Variants in DHX32 observed in about 807,000 individuals in gnomAD.
DHX32 encodes the protein putative pre-mRNA-splicing factor ATP-dependent RNA helicase DHX32.
Under a neutral mutation model 70.0 loss-of-function variants are expected in DHX32, and 51 were observed. The observed-to-expected ratio is 0.73, with a 90% CI of 0.58 to 0.92. DHX32 has a LOEUF of 0.92. Among genes scored for constraint, DHX32 ranks in the 40% least tolerant of loss-of-function variants. The pLI is 0.00. For synonymous variants in DHX32, 310 were observed against 315.3 expected, an observed-to-expected ratio of 0.98 and a Z score of 0.18; for missense variants, 762 against 891.8, an observed-to-expected ratio of 0.85 and a Z score of 1.85.
At chr10:125,852,183 C>G (rs1031596023) in intron 6 of DHX32, 110 bp downstream of exon 6, 3 of 1,349,764 alleles carry the variant, frequency 2.2e-6, no homozygotes, top group Non-Finnish European at 2.0e-6. Flanking sequence ...ACCAACGCCC[C>G]CTCCATGCTT....
rs772213357 is a variant in DHX32, at chr10:125,852,487, T to C, written c.1193-36A>G. 3.7e-6 allele frequency: 6 copies of C among 1,613,462 alleles called. No homozygotes were observed. The Admixed American group carries it at 1.0e-4, about 27-fold the overall frequency. On this transcript the variant is annotated intron_variant, in intron 5 of 10. Transcript: ENST00000284690. ...CCAAGAAAAATGGCTTTAATATTTC[T>C]GGGTTGCCTGCATACAAGAATTGAC... is the stretch of plus-strand genomic sequence containing the variant.
In DHX32 at chr10:125,880,563, T is replaced by C. The variant is rs770780700; in HGVS notation, c.262A>G (p.Lys88Glu). The change falls in exon 1 of 11, where the codon AAA becomes GAA. Residue 88 changes from lysine to glutamate, a missense_variant. Transcript: ENST00000284690. ...CTCACCTGAGCGCTCTTACCACATT[T>C]AGCATCTCCTGAAACAATCACGATT... ...NQIVIVSGDA[K>E]CGKSAQVPQW... The C allele has an allele frequency of 6.2e-7, 1 of 1,609,026 alleles. No homozygotes were observed.
At chr10:125,869,560 A>T (rs1265771872) in intron 1 of DHX32, 1 of 151,074 alleles carries the variant, frequency 6.6e-6, no homozygotes, top group African/African-American at 2.4e-5. Context: ...TGGGCGACAG[A>T]GTGAGACTCT....
At chr10:125,872,094 T>C (rs982227686) in intron 1 of DHX32, among the ~76,000 whole-genome samples, 1 of 152,120 alleles carries the variant, frequency 6.6e-6, no homozygotes, top group Non-Finnish European at 1.5e-5. Context: ...ATTCCCAACC[T>C]CAGGTGATCC....
upstream of DHX32, among the ~76,000 whole-genome samples, chr10:125,883,317 A>G (rs1944328565): frequency 6.6e-6 from 1 of 152,166 alleles, no homozygotes; most frequent in Non-Finnish European, 1.5e-5. Context: ...GGTAGAGTCT[A>G]TTTCCTCTCC....
At chr10:125,874,055 G>A (rs909954412) in intron 1 of DHX32, among the ~76,000 whole-genome samples, 3 of 152,066 alleles carry the variant, frequency 2.0e-5, no homozygotes, top group Non-Finnish European at 2.9e-5. Context: ...CTCTCTTTTA[G>A]GATCGTTCAT....
At chr10:125,875,828 G>C (rs1051260772) in intron 1 of DHX32, among the ~76,000 whole-genome samples, 4 of 152,190 alleles carry the variant, frequency 2.6e-5, no homozygotes, top group Non-Finnish European at 5.9e-5. Context: ...AACTTTTGTA[G>C]ATAGTTTATA....
chr10:125,838,370 A>G lies in DHX32; in HGVS notation c.1899T>C (p.Asp633=). 6.3e-7 allele frequency: 1 copy of G among 1,590,826 alleles called. No homozygotes were observed. The highest frequency in any genetic ancestry group is 1.9e-5 in the Admixed American group (1 of 53,054). Residue 633 remains aspartate (D), a synonymous_variant, in exon 10 of 11, where the codon GAT becomes GAC. Transcript: ENST00000284690. Reference sequence around the variant, plus strand: ...TCAGCATTAAGTAGTTACCTGATCCATCAACATCCCGAGCAATCTGAAAGG... The same window carrying G: ...TCAGCATTAAGTAGTTACCTGATCCGTCAACATCCCGAGCAATCTGAAAGG... ...GYFMQIARDV[D]GSGNYLMLTH... is the part of the protein sequence containing the mutation.
upstream of DHX32, among the ~76,000 whole-genome samples, chr10:125,884,337 A>G (rs1032072867): frequency 1.3e-5 from 2 of 152,236 alleles, no homozygotes; most frequent in Non-Finnish European, 2.9e-5. Context: ...TACCAGTCTA[A>G]AGAAAGAGAA....
In DHX32 at chr10:125,867,108, T is replaced by A. The variant is rs1395640237; in HGVS notation, c.358A>T (p.Lys120Ter). The A allele has an allele frequency of 1.2e-6, 2 of 1,614,206 alleles. No homozygotes were observed. Among genetic ancestry groups the A allele is most frequent in the South Asian group, 2.2e-5 (2 of 91,080 alleles). ...HGGVICTQVH[K>*]QTVVQLALRV... ...AGGGCGAGCTGGACCACAGTCTGCT[T>A]GTGGACCTGTGTGCATATCACGCCC... The change falls in exon 2 of 11, where the codon AAG becomes TAG. Residue 120 changes from lysine (K) to a stop codon, truncating the protein, a stop_gained. Transcript: ENST00000284690. LOFTEE classifies it high-confidence loss of function.
chr10:125,839,094 C>G lies in DHX32; in HGVS notation c.1788G>C (p.Lys596Asn). ...VIRAELLEII[K>N]RIELPYAEPA... is the part of the protein sequence containing the mutation. Reference sequence around the variant, plus strand: ...GTTCTGCATAGGGAAGCTCGATTCGCTTGATAATTTCTAAGAGTTCAGCTC... The same window carrying G: ...GTTCTGCATAGGGAAGCTCGATTCGGTTGATAATTTCTAAGAGTTCAGCTC... The change falls in exon 9 of 11, where the codon AAG (lysine) becomes AAC (asparagine). Residue 596 changes from lysine to asparagine, a missense_variant. Around this residue, in one of 3 missense-constraint regions of DHX32, gnomAD observed 366 missense variants for 402.6 expected, o/e 0.91. Transcript: ENST00000284690. 6.2e-7 allele frequency: 1 copy of G among 1,614,230 alleles called. No homozygotes were observed. The highest frequency in any genetic ancestry group is 8.5e-7 in the Non-Finnish European group (1 of 1,180,042).
intron 6 of DHX32, 59 bp downstream of exon 6, chr10:125,852,234 T>C: frequency 1.3e-6 from 2 of 1,587,062 alleles, no homozygotes; most frequent in Non-Finnish European, 1.7e-6. Flanking sequence ...GGACAGAGAA[T>C]GGGCAGGAGA....
At chr10:125,846,792 A>G (rs540721407) in intron 6 of DHX32, among the ~76,000 whole-genome samples, 2 of 152,282 alleles carry the variant, frequency 1.3e-5, no homozygotes, top group Middle Eastern at 3.4e-3. Flanking sequence ...AATAGAATCA[A>G]TGGCTCCCTT....
chr10:125,848,224 G>GT (rs1267540119), intron 6 of DHX32, among the ~76,000 whole-genome samples: 1 of 152,180 alleles, frequency 6.6e-6, no homozygotes, highest in Non-Finnish European at 1.5e-5. Flanking sequence ...AGGGCCTCTG[G>GT]GGAATAGCAT....
At chr10:125,884,616 A>G (rs575570745), upstream of DHX32, among the ~76,000 whole-genome samples, 15 of 152,332 alleles carry the variant, frequency 9.8e-5, no homozygotes, top group Admixed American at 7.2e-4. Context: ...TTAGAAGTCA[A>G]TGTAAGATGA....
intron 3 of DHX32, among the ~76,000 whole-genome samples, chr10:125,856,268 A>G (rs916459552): frequency 6.6e-6 from 1 of 152,262 alleles, no homozygotes; most frequent in African/African-American, 2.4e-5. Flanking sequence ...GCTCACCAAA[A>G]ATGAAAGAAG....
chr10:125,868,978 C>T (rs1944240448), intron 1 of DHX32, among the ~76,000 whole-genome samples: 1 of 152,056 alleles, frequency 6.6e-6, no homozygotes. Flanking sequence ...AAAGCAGAGA[C>T]CTATCCGTGT....
chr10:125,861,493 C>T (rs541713194), intron 2 of DHX32, among the ~76,000 whole-genome samples: 1 of 152,174 alleles, frequency 6.6e-6, no homozygotes, highest in African/African-American at 2.4e-5. Flanking sequence ...CGAGACTCCC[C>T]CAGAAAAGAG....
chr10:125,865,865 G>A (rs764240880), intron 2 of DHX32, among the ~76,000 whole-genome samples: 1 of 152,174 alleles, frequency 6.6e-6, no homozygotes, highest in Non-Finnish European at 1.5e-5. Flanking sequence ...AACCGCACCA[G>A]AGTGCAGTGC....
Sources: gnomAD v4.1 joint callset for allele counts (sites outside exome capture counted in the v4.1 genomes callset) on GRCh38, gnomAD v4.1.1 for gene constraint, gnomAD v4.1.1 regional missense constraint, MANE v1.5 for transcripts, NCBI Gene and HGNC (gene_info 2026-07-23, HGNC 2026-07-21) for gene names.